RELN: variants seen among roughly 807,000 people sequenced by gnomAD.
RELN encodes the protein reelin.
In RELN, 108 loss-of-function variants were observed where a neutral mutation model predicts 427.6. That is an observed-to-expected ratio of 0.25 (90% confidence interval 0.22 to 0.30). The LOEUF (loss-of-function observed/expected upper bound fraction) is 0.30, where lower values mean the gene tolerates loss of function less well. RELN is among the 10% of genes least tolerant of loss of function. The pLI, the probability that RELN is intolerant of heterozygous loss-of-function variation, is 1.00. For synonymous variants in RELN, 1,524 were observed against 1,513.4 expected, an observed-to-expected ratio of 1.01 and a Z score of -0.16; for missense variants, 3,715 against 4,302.8, an observed-to-expected ratio of 0.86 and a Z score of 3.82.
In RELN at chr7:103,620,374, G is replaced by A. The variant is rs1168779776; in HGVS notation, c.2703-8571C>T. 2.0e-5 allele frequency among the ~76,000 whole-genome samples: 3 copies of A among 152,026 alleles called. No homozygotes were observed. Among genetic ancestry groups the A allele is most frequent in the Admixed American group, 6.6e-5 (1 of 15,260 alleles). Reference sequence around the variant, plus strand: ...ACTAACACAACTTCAATTCATCTCCGATCTCAGGCTATCCATAACTCCCTG... The same window carrying A: ...ACTAACACAACTTCAATTCATCTCCAATCTCAGGCTATCCATAACTCCCTG... On this transcript the variant is annotated intron_variant, in intron 20 of 64. Transcript: ENST00000428762. This position sits in a 1 kb window ranked among gnomAD's most constrained non-coding sequence, Gnocchi z 4.1.
rs776032694 is a variant in RELN, at chr7:103,483,774, C to T, written c.10060G>A (p.Ala3354Thr). ...TGCAGCAGCACTGCCTTGTCCACAG[C>T]GTGGGGGCCACTCAGGTCACTGTTG... ...SCNSDLSGPH[A>T]VDKAVLLQYS... is the part of the protein sequence containing the mutation. The change falls in exon 62 of 65, where the codon GCT becomes ACT. Residue 3354 changes from alanine (A) to threonine (T), a missense_variant. Around this residue, in one of 4 missense-constraint regions of RELN, gnomAD observed 195 missense variants for 281.3 expected, o/e 0.69. Transcript: ENST00000428762. 14 of 1,613,974 alleles carry T rather than the reference C, an allele frequency of 8.7e-6. No individual in the cohort carries two copies. Among genetic ancestry groups the T allele is most frequent in the Admixed American group, 3.3e-5 (2 of 60,004 alleles).
chr7:103,862,411 C>CG (rs1554432463), intron 2 of RELN, among the ~76,000 whole-genome samples: 1,491 of 53,482 alleles, frequency 0.028, 15 homozygotes, highest in South Asian at 0.1. Flanking sequence ...TGCTTTTGTT[C>CG]TATCTATCTA....
intron 17 of RELN, among the ~76,000 whole-genome samples, chr7:103,639,589 C>T (rs567321674): frequency 2.0e-5 from 3 of 151,508 alleles, no homozygotes; most frequent in South Asian, 2.1e-4. Flanking sequence ...TAGTAGAGAT[C>T]GGGTCTCACC....
intron 3 of RELN, among the ~76,000 whole-genome samples, chr7:103,825,816 C>T (rs1793124181): frequency 1.3e-5 from 2 of 151,950 alleles, no homozygotes; most frequent in South Asian, 2.1e-4. Flanking sequence ...CTTAAATAGC[C>T]ACATGGCTTA....
At chr7:103,796,076 C>A (rs1030465680) in intron 3 of RELN, among the ~76,000 whole-genome samples, 2 of 152,154 alleles carry the variant, frequency 1.3e-5, no homozygotes, top group Non-Finnish European at 2.9e-5. Context: ...ATATGGAAAT[C>A]ATGTTTTTAA....
intron 11 of RELN, among the ~76,000 whole-genome samples, chr7:103,662,788 T>C (rs1417460887): frequency 6.6e-6 from 1 of 152,070 alleles, no homozygotes; most frequent in Non-Finnish European, 1.5e-5. Flanking sequence ...CAGACTCTAT[T>C]TAGTAGACAC....
intron 16 of RELN, among the ~76,000 whole-genome samples, chr7:103,642,500 C>T (rs1832714842): frequency 6.6e-6 from 1 of 151,856 alleles, no homozygotes; most frequent in African/African-American, 2.4e-5. Context: ...AGATTCTGCA[C>T]CAGGTTTTGC....
At chr7:103,849,656 C>G (rs1184967140) in intron 2 of RELN, among the ~76,000 whole-genome samples, 1 of 152,134 alleles carries the variant, frequency 6.6e-6, no homozygotes, top group Non-Finnish European at 1.5e-5. Flanking sequence ...CTTTTTGCTA[C>G]TACTCTCCCT....
chr7:103,891,621 C>T (rs572149067), intron 2 of RELN, among the ~76,000 whole-genome samples: 3 of 152,284 alleles, frequency 2.0e-5, no homozygotes, highest in Admixed American at 6.5e-5. Context: ...TGGGCCTTAT[C>T]CTCACTTGGA....
At chr7:103,843,597 C>G (rs1027736354) in intron 2 of RELN, among the ~76,000 whole-genome samples, 3 of 152,186 alleles carry the variant, frequency 2.0e-5, no homozygotes. Context: ...CTATAAGGCA[C>G]AAGCTTAGGC....
intron 3 of RELN, among the ~76,000 whole-genome samples, chr7:103,797,572 T>G (rs1442858687): frequency 6.6e-6 from 1 of 152,238 alleles, no homozygotes; most frequent in Non-Finnish European, 1.5e-5. Flanking sequence ...ACTAGTTTTT[T>G]TATTTTTCTG....
chr7:103,628,050 A>C (rs1375217961), intron 20 of RELN: 1 of 152,246 alleles, frequency 6.6e-6, no homozygotes, highest in Non-Finnish European at 1.5e-5. Context: ...TTATATTAGA[A>C]GTGTTAGGAA....
At chr7:103,478,166 A>G (rs917856852) in intron 64 of RELN, among the ~76,000 whole-genome samples, 1 of 152,156 alleles carries the variant, frequency 6.6e-6, no homozygotes, top group African/African-American at 2.4e-5. Flanking sequence ...GTTGTGCCCT[A>G]TATTGTATAT....
At chr7:103,517,819 G>T (rs1829603111) in intron 49 of RELN, among the ~76,000 whole-genome samples, 1 of 152,154 alleles carries the variant, frequency 6.6e-6, no homozygotes, top group South Asian at 2.1e-4. Context: ...CCTAATAGGA[G>T]CCTTTTCATC....
Position 103,989,019 on chromosome 7 carries a change from G to C in RELN, c.226+112C>G. The C allele has an allele frequency of 1.1e-6, 1 of 945,436 alleles. No homozygotes were observed. The highest frequency in any genetic ancestry group is 1.7e-6 in the Non-Finnish European group (1 of 586,748). 58.6% of individuals were successfully genotyped at this position (945,436 alleles called of 1,614,324 possible). A position where few individuals can be genotyped will look rare whatever the true frequency, so the allele number is the denominator to read the frequency against. On this transcript the variant is annotated intron_variant, in intron 1 of 64. Transcript: ENST00000428762. The surrounding 1 kb of genome is among the most constrained non-coding windows in gnomAD (Gnocchi z 4.9). ...TGGACCAAGCGCATCGCTGGGGCCA[G>C]GGTTGTCATGGTTCTTGTTTCCAAG...
intron 4 of RELN, among the ~76,000 whole-genome samples, chr7:103,756,774 C>CA (rs1378407772): frequency 2.0e-5 from 3 of 151,990 alleles, no homozygotes; most frequent in African/African-American, 7.3e-5. Flanking sequence ...TATATTTTAA[C>CA]AAAAATGTCC....
At chr7:103,807,609 C>T (rs923372874) in intron 3 of RELN, among the ~76,000 whole-genome samples, 13 of 152,196 alleles carry the variant, frequency 8.5e-5, no homozygotes, top group African/African-American at 2.4e-4. Flanking sequence ...CTAGGCTTCC[C>T]TTCCACCCTC....
chr7:103,891,630 G>A (rs1002672411), intron 2 of RELN, among the ~76,000 whole-genome samples: 1 of 151,848 alleles, frequency 6.6e-6, no homozygotes, highest in African/African-American at 2.4e-5. Context: ...TCCTCACTTG[G>A]AATTGTTGCA....
chr7:103,631,931 A>G (rs998624677), intron 19 of RELN, among the ~76,000 whole-genome samples: 1 of 152,140 alleles, frequency 6.6e-6, no homozygotes, highest in African/African-American at 2.4e-5. Flanking sequence ...AAAAACAGTT[A>G]ATATTCTCTC....
Sources: allele counts gnomAD v4.1 joint callset (sites outside exome capture counted in the v4.1 genomes callset), GRCh38; gene constraint gnomAD v4.1.1; regional missense constraint gnomAD v4.1.1; non-coding constraint Gnocchi (gnomAD v3.1); transcripts MANE v1.5; gene names NCBI Gene and HGNC (gene_info 2026-07-23, HGNC 2026-07-21).